The following POU2F1 variants were observed in gnomAD, a reference collection of about 807,000 sequenced individuals.
POU2F1 encodes POU class 2 homeobox 1.
Under a neutral mutation model 84.9 loss-of-function variants are expected in POU2F1, and 16 were observed. That is an observed-to-expected ratio of 0.19 (90% CI 0.13 to 0.29). The LOEUF is 0.29. POU2F1 is among the 10% of genes least tolerant of loss of function. The pLI is 1.00. For synonymous variants in POU2F1, 368 were observed against 368.3 expected, an observed-to-expected ratio of 1.00 and a Z score of 0.01; for missense variants, 738 against 942.6, an observed-to-expected ratio of 0.78 and a Z score of 2.84.
chr1:167,415,225 A>G (rs1161587579), intron 15 of POU2F1, among the ~76,000 whole-genome samples: 1 of 152,258 alleles, frequency 6.6e-6, no homozygotes, highest in Admixed American at 6.5e-5. Flanking sequence ...AGACACGAAC[A>G]TGACTCTAAT....
intron 1 of POU2F1, among the ~76,000 whole-genome samples, chr1:167,322,730 CA>C (rs1275045086): frequency 1.3e-5 from 2 of 152,206 alleles, no homozygotes; most frequent in East Asian, 3.8e-4. Context: ...CTGAGAGCCA[CA>C]AACAAAGCTT....
intron 1 of POU2F1, among the ~76,000 whole-genome samples, chr1:167,295,904 T>C (rs1654260447): frequency 6.6e-6 from 1 of 152,156 alleles, no homozygotes; most frequent in Non-Finnish European, 1.5e-5. Flanking sequence ...TAAGAGTCTG[T>C]GAATAGATGT....
rs187498217 is a variant in POU2F1 at position 167,243,714 on chromosome 1, G to A, written c.61+22756G>A. On this transcript the variant is annotated intron_variant, in intron 1 of 15. Transcript: ENST00000367866. ...TGGTCTCGAACTCCCAACCCCAGATGATCCACCCGCCTCGGCCTCCCAAAG... is the reference window on the plus strand; with the variant it reads ...TGGTCTCGAACTCCCAACCCCAGATAATCCACCCGCCTCGGCCTCCCAAAG... 2.6e-3 allele frequency among the ~76,000 whole-genome samples: 390 copies of A among 152,260 alleles called. 2 individuals are homozygous for A. The highest frequency in any genetic ancestry group is 4.2e-3 in the Non-Finnish European group (289 of 68,012).
At chr1:167,412,987 C>T in intron 14 of POU2F1, 39 bp from the exon 15 acceptor site, 1 of 1,517,178 alleles carries the variant, frequency 6.6e-7, no homozygotes, top group African/African-American at 1.4e-5. Context: ...AGACCTGCGT[C>T]TGCATGGTAA....
chr1:167,316,143 A>G (rs1460785579), intron 1 of POU2F1, among the ~76,000 whole-genome samples: 2 of 152,308 alleles, frequency 1.3e-5, no homozygotes, highest in Non-Finnish European at 2.9e-5. Context: ...ATAGTTCTGT[A>G]TCTTGATTGC....
At chr1:167,399,800 A>C (rs915552682) in intron 12 of POU2F1, among the ~76,000 whole-genome samples, 1 of 150,042 alleles carries the variant, frequency 6.7e-6, no homozygotes, top group African/African-American at 2.5e-5. Flanking sequence ...TGGCCTCCCG[A>C]GTAGCTGGGA....
chr1:167,386,012 C>T (rs148628382), intron 8 of POU2F1, among the ~76,000 whole-genome samples: 6 of 152,148 alleles, frequency 3.9e-5, no homozygotes, highest in East Asian at 1.9e-4. Flanking sequence ...GCTCAAAAAC[C>T]GTTAGTGATC....
chr1:167,224,458 T>A (rs112125328), intron 1 of POU2F1, among the ~76,000 whole-genome samples: 25 of 152,240 alleles, frequency 1.6e-4, no homozygotes, highest in African/African-American at 2.4e-4. Flanking sequence ...ACAGATTTTT[T>A]AAAAAAAATT....
At chr1:167,298,567 C>G (rs1422523171) in intron 1 of POU2F1, among the ~76,000 whole-genome samples, 1 of 151,990 alleles carries the variant, frequency 6.6e-6, no homozygotes, top group African/African-American at 2.4e-5. Context: ...AGTAAACAAA[C>G]ACTTCCCTTT....
At chr1:167,363,977 G>GT (rs1406591895) in intron 2 of POU2F1, among the ~76,000 whole-genome samples, 4 of 152,206 alleles carry the variant, frequency 2.6e-5, no homozygotes, top group Non-Finnish European at 4.4e-5. Flanking sequence ...GTGTGCACAT[G>GT]TAAGTGTAAG....
chr1:167,351,676 G>T (rs1335466204), intron 2 of POU2F1, among the ~76,000 whole-genome samples: 3 of 152,030 alleles, frequency 2.0e-5, no homozygotes, highest in African/African-American at 7.2e-5. Flanking sequence ...GGCCCTTAAA[G>T]TCTTCTTGAA....
At position 167,415,782 on chromosome 1, in the gene POU2F1, C is replaced by G. The variant is rs770206820; in HGVS notation, c.2273C>G (p.Thr758Ser). 2.5e-6 allele frequency: 4 copies of G among 1,613,886 alleles called. No individual in the cohort carries two copies. Among genetic ancestry groups the G allele is most frequent in the East Asian group, 2.2e-5 (1 of 44,882 alleles). Reference protein sequence around the residue: ...TVASASGAASTTTTASKAQ With the variant: ...TVASASGAASSTTTASKAQ ...GCCTCTGCCAGCGGGGCTGCGTCCA[C>G]CACCACCACCGCCTCCAAGGCACAG... The change falls in exon 16 of 16, where the codon ACC (threonine) becomes AGC (serine). Residue 758 changes from threonine to serine, a missense_variant. Transcript: ENST00000367866.
In POU2F1 at chr1:167,415,941, G is replaced by GAA. The variant is rs35216157; in HGVS notation, c.*145_*146dup. ...TTGTGAGGGCAAAGGAGAGAAGGGAGAAAAAAAAAAAAAAACCACACACAC... is the reference window on the plus strand; with the variant it reads ...TTGTGAGGGCAAAGGAGAGAAGGGAGAAAAAAAAAAAAAAAAACCACACACAC... On this transcript the variant is annotated 3_prime_UTR_variant, in exon 16 of 16. Transcript: ENST00000367866. The GAA allele has an allele frequency of 0.067, 28,629 of 424,480 alleles. 13 individuals carry two copies. The highest frequency in any genetic ancestry group is 0.14 in the South Asian group (5,682 of 40,486). 26.3% of individuals were successfully genotyped at this position (424,480 alleles called of 1,614,324 possible).
chr1:167,354,923 T>C (rs567163357), intron 2 of POU2F1, among the ~76,000 whole-genome samples: 1 of 152,222 alleles, frequency 6.6e-6, no homozygotes, highest in Non-Finnish European at 1.5e-5. Flanking sequence ...GTATTCTGAA[T>C]ACTAATCCTT....
At chr1:167,294,119 T>G (rs997800935) in intron 1 of POU2F1, among the ~76,000 whole-genome samples, 1 of 135,414 alleles carries the variant, frequency 7.4e-6, no homozygotes. Flanking sequence ...GATCACAAGG[T>G]CAGGAGATCA....
intron 1 of POU2F1, among the ~76,000 whole-genome samples, chr1:167,251,845 T>C (rs1204265169): frequency 6.6e-6 from 1 of 151,558 alleles, no homozygotes; most frequent in Non-Finnish European, 1.5e-5. Context: ...TTCTTCGTTA[T>C]ATCTTTTTTT....
At chr1:167,397,175 A>G (rs1186601988) in intron 10 of POU2F1, among the ~76,000 whole-genome samples, 1 of 152,222 alleles carries the variant, frequency 6.6e-6, no homozygotes, top group African/African-American at 2.4e-5. Flanking sequence ...TCAGATGTGT[A>G]TGACATGCCC....
At chr1:167,406,242 A>G (rs1490159826) in intron 13 of POU2F1, among the ~76,000 whole-genome samples, 1 of 152,266 alleles carries the variant, frequency 6.6e-6, no homozygotes, top group Admixed American at 6.5e-5. Flanking sequence ...ACATCAATTA[A>G]TGTAACACAT....
intron 13 of POU2F1, among the ~76,000 whole-genome samples, chr1:167,407,232 A>G (rs1231323920): frequency 1.3e-5 from 2 of 151,904 alleles, no homozygotes; most frequent in African/African-American, 4.8e-5. Flanking sequence ...GTTTTGCCAT[A>G]TTGCCCAGGC....
Sources: allele counts gnomAD v4.1 joint callset (sites outside exome capture counted in the v4.1 genomes callset), GRCh38; gene constraint gnomAD v4.1.1; transcripts MANE v1.5; gene names NCBI Gene and HGNC (gene_info 2026-07-23, HGNC 2026-07-21).